The following VTI1A variants were observed in gnomAD, a reference collection of about 807,000 sequenced individuals.
VTI1A encodes vesicle transport through interaction with t-SNAREs homolog 1A.
Under a neutral mutation model 34.9 loss-of-function variants are expected in VTI1A, and 22 were observed. The observed-to-expected ratio is 0.63, with a 90% confidence interval of 0.45 to 0.90. VTI1A has a LOEUF of 0.90. Among genes scored for constraint, VTI1A ranks in the 40% least tolerant of loss-of-function variants. VTI1A has a pLI of 0.00. For synonymous variants in VTI1A, 87 were observed against 97.3 expected (o/e 0.89, Z 0.62); for missense variants, 268 against 275.6 (o/e 0.97, Z 0.20).
chr10:112,606,029 C>CT (rs67139785), intron 5 of VTI1A, among the ~76,000 whole-genome samples: 79,593 of 138,954 alleles, frequency 0.57, 22,002 homozygotes, highest in African/African-American at 0.62. Context: ...TTCTTTTTTT[C>CT]TTTTTTTTTT....
At chr10:112,813,548 G>A (rs1421284654) in intron 7 of VTI1A, among the ~76,000 whole-genome samples, 1 of 152,112 alleles carries the variant, frequency 6.6e-6, no homozygotes, top group Non-Finnish European at 1.5e-5. Flanking sequence ...CATTCTGAAG[G>A]CTCCTGTCCC....
At chr10:112,572,663 C>A (rs915773475) in intron 5 of VTI1A, among the ~76,000 whole-genome samples, 1 of 151,994 alleles carries the variant, frequency 6.6e-6, no homozygotes, top group Non-Finnish European at 1.5e-5. Context: ...ACGGTGAAAC[C>A]CCGTCTCTAC....
chr10:112,632,280 A>G (rs1043183758), intron 5 of VTI1A, among the ~76,000 whole-genome samples: 1 of 152,214 alleles, frequency 6.6e-6, no homozygotes, highest in African/African-American at 2.4e-5. Context: ...ATTTATAATT[A>G]TCTGAACGTA....
At chr10:112,544,514 C>T (rs909067339) in intron 5 of VTI1A, among the ~76,000 whole-genome samples, 1 of 151,946 alleles carries the variant, frequency 6.6e-6, no homozygotes, top group African/African-American at 2.4e-5. Flanking sequence ...ACAGACATTT[C>T]TTAAGTTAAT....
At chr10:112,822,521 T>C (rs1005951042), downstream of VTI1A, among the ~76,000 whole-genome samples, 2 of 152,166 alleles carry the variant, frequency 1.3e-5, no homozygotes, top group Non-Finnish European at 2.9e-5. Context: ...TGGTGTACAA[T>C]TTGGCATTTG....
intron 3 of VTI1A, among the ~76,000 whole-genome samples, chr10:112,490,877 T>C (rs1848796953): frequency 6.6e-6 from 1 of 152,182 alleles, no homozygotes. Flanking sequence ...CTAGCTGCTA[T>C]GCATATAGCA....
At chr10:112,777,668 T>C (rs1851991160) in intron 7 of VTI1A, among the ~76,000 whole-genome samples, 2 of 152,208 alleles carry the variant, frequency 1.3e-5, no homozygotes, top group Non-Finnish European at 2.9e-5. Context: ...GCAAAACTCA[T>C]TGGCAGGGAA....
At chr10:112,499,437 A>G (rs1044450426) in intron 3 of VTI1A, among the ~76,000 whole-genome samples, 2 of 151,802 alleles carry the variant, frequency 1.3e-5, no homozygotes, top group African/African-American at 4.8e-5. Context: ...TTGACTTGTC[A>G]TCTCTTTATT....
chr10:112,561,817 G>A lies in VTI1A; in HGVS notation c.427+23487G>A, dbSNP rs1851733318. ...TTTAGGGAGACTCTAGAAATATATG[G>A]AAGAATATTGCAAACTAAAGGCTGT... On this transcript the variant is annotated intron_variant, in intron 5 of 7. Transcript: ENST00000393077. Among the ~76,000 whole-genome samples, 3 of 151,974 alleles carry A rather than the reference G, an allele frequency of 2.0e-5. No homozygotes were observed. In the South Asian group the frequency reaches 6.3e-4, roughly 32 times the overall value.
At chr10:112,479,380 C>T (rs1201905230) in intron 3 of VTI1A, among the ~76,000 whole-genome samples, 3 of 151,798 alleles carry the variant, frequency 2.0e-5, no homozygotes, top group Non-Finnish European at 4.4e-5. Flanking sequence ...CCACCTTACC[C>T]CCAACCCCTG....
At chr10:112,479,979 T>C (rs560617751) in intron 3 of VTI1A, among the ~76,000 whole-genome samples, 17 of 152,338 alleles carry the variant, frequency 1.1e-4, no homozygotes, top group African/African-American at 3.6e-4. Flanking sequence ...TAAACTTTTC[T>C]AAAAGTATCT....
chr10:112,483,847 A>G (rs1330967962), intron 3 of VTI1A, among the ~76,000 whole-genome samples: 4 of 152,200 alleles, frequency 2.6e-5, no homozygotes, highest in African/African-American at 9.7e-5. Flanking sequence ...ATCATGTTGT[A>G]TATCATTTAT....
At chr10:112,569,128 G>C (rs11195996) in intron 5 of VTI1A, among the ~76,000 whole-genome samples, 19,609 of 151,402 alleles carry the variant, frequency 0.13, 2,232 homozygotes, top group African/African-American at 0.29. Context: ...GCCCTGCAGC[G>C]TGGGCACAGA....
At chr10:112,448,936 G>A (rs1847114773) in intron 1 of VTI1A, 2 of 152,200 alleles carry the variant, frequency 1.3e-5, no homozygotes, top group Admixed American at 6.5e-5. Context: ...ATCTCCTGAA[G>A]TCCCCAGTTA....
chr10:112,500,897 T>C (rs1039977821), intron 3 of VTI1A, among the ~76,000 whole-genome samples: 4 of 152,230 alleles, frequency 2.6e-5, no homozygotes, highest in African/African-American at 9.6e-5. Context: ...TCTCCTTTCC[T>C]TGTCTGCTTG....
intron 7 of VTI1A, among the ~76,000 whole-genome samples, chr10:112,727,056 T>C (rs1207251385): frequency 1.3e-5 from 2 of 152,212 alleles, no homozygotes; most frequent in African/African-American, 4.8e-5. Flanking sequence ...CTTGTCTCAT[T>C]GAATAGGGTA....
intron 5 of VTI1A, among the ~76,000 whole-genome samples, chr10:112,606,980 A>G (rs1267730237): frequency 6.6e-6 from 1 of 152,078 alleles, no homozygotes; most frequent in Non-Finnish European, 1.5e-5. Flanking sequence ...TATTATTCAC[A>G]TTTTAAAGAT....
intron 5 of VTI1A, among the ~76,000 whole-genome samples, chr10:112,552,270 A>G (rs1270275103): frequency 2.0e-5 from 3 of 152,220 alleles, no homozygotes; most frequent in Non-Finnish European, 4.4e-5. Context: ...AATGCCATCT[A>G]CTTTCACCAT....
intron 7 of VTI1A, among the ~76,000 whole-genome samples, chr10:112,753,764 G>T (rs538858082): frequency 2.6e-5 from 4 of 152,170 alleles, no homozygotes; most frequent in Non-Finnish European, 4.4e-5. Flanking sequence ...CATATGAAAA[G>T]AATTTGATAT....
Sources: allele counts gnomAD v4.1 joint callset (sites outside exome capture counted in the v4.1 genomes callset), GRCh38; gene constraint gnomAD v4.1.1; transcripts MANE v1.5; gene names NCBI Gene and HGNC (gene_info 2026-07-23, HGNC 2026-07-21).